Variants in NEGR1 observed in about 807,000 individuals in gnomAD.
NEGR1 encodes the protein neuronal growth regulator 1.
A neutral mutation model predicts 40.9 loss-of-function variants in NEGR1; 10 were observed. That is an observed-to-expected ratio of 0.24 (90% confidence interval 0.15 to 0.42). The LOEUF (loss-of-function observed/expected upper bound fraction) is 0.42, where lower values mean the gene tolerates loss of function less well. Among genes scored for constraint, NEGR1 ranks in the 10% least tolerant of loss-of-function variants. NEGR1 has a pLI of 1.00. For synonymous variants in NEGR1, 185 were observed against 166.8 expected (o/e 1.11, Z -0.84); for missense variants, 352 against 438.9 (o/e 0.80, Z 1.77).
Position 72,144,537 on chromosome 1 carries a change from A to G in NEGR1, c.176+137782T>C, listed in dbSNP as rs112126066. On this transcript the variant is annotated intron_variant, in intron 1 of 6. Transcript: ENST00000357731. ...TAATATGTGCATGGAGCATACATTC[A>G]TGATTAGAGAGACATATATTTTACG... Among the ~76,000 whole-genome samples, 974 of 152,086 alleles carry G rather than the reference A, an allele frequency of 6.4e-3. 13 individuals carry two copies. The highest frequency in any genetic ancestry group is 0.022 in the African/African-American group (917 of 41,542).
intron 2 of NEGR1, among the ~76,000 whole-genome samples, chr1:71,885,265 C>T (rs1425229526): frequency 6.6e-6 from 1 of 152,192 alleles, no homozygotes; most frequent in Non-Finnish European, 1.5e-5. Context: ...AATTTAATTA[C>T]ACTTTCTGCA....
At chr1:71,952,910 C>T (rs1454347596) in intron 1 of NEGR1, among the ~76,000 whole-genome samples, 1 of 148,622 alleles carries the variant, frequency 6.7e-6, no homozygotes, top group East Asian at 2.0e-4. Context: ...TTTTTTACAG[C>T]TTGATGCACA....
At chr1:71,861,266 G>T (rs1037961107) in intron 2 of NEGR1, among the ~76,000 whole-genome samples, 9 of 151,906 alleles carry the variant, frequency 5.9e-5, no homozygotes, top group African/African-American at 2.2e-4. Context: ...GTTGTCATGA[G>T]AATTAAATGT....
rs141986386 is a variant in NEGR1, at chr1:71,853,819, T to C, written c.410-77522A>G. The stretch of plus-strand genomic sequence containing the variant: ...AAGTTGTGCTGTTATTTGGACAGGA[T>C]TACATTTATAAAGCGGTTCTCACTT... On this transcript the variant is annotated intron_variant, in intron 2 of 6. Transcript: ENST00000357731. Among the ~76,000 whole-genome samples, 808 of 152,268 alleles carry C rather than the reference T, an allele frequency of 5.3e-3. 7 individuals are homozygous for C. Among genetic ancestry groups the C allele is most frequent in the African/African-American group, 0.019 (776 of 41,562 alleles).
chr1:71,667,040 T>C (rs908480808), intron 4 of NEGR1, among the ~76,000 whole-genome samples: 2 of 152,192 alleles, frequency 1.3e-5, no homozygotes, highest in African/African-American at 4.8e-5. Flanking sequence ...AAAAATTATA[T>C]CTGGTCATAT....
chr1:71,621,974 C>T (rs1650623690), intron 4 of NEGR1, among the ~76,000 whole-genome samples: 1 of 151,846 alleles, frequency 6.6e-6, no homozygotes, highest in Non-Finnish European at 1.5e-5. Flanking sequence ...AGGCTTACAT[C>T]ATGAGTAGTT....
At chr1:71,560,367 A>G (rs1648407166) in intron 6 of NEGR1, among the ~76,000 whole-genome samples, 1 of 148,526 alleles carries the variant, frequency 6.7e-6, no homozygotes, top group African/African-American at 2.4e-5. Flanking sequence ...GAGAGAAAAC[A>G]AATAAAACTG....
intron 1 of NEGR1, among the ~76,000 whole-genome samples, chr1:71,978,623 C>G (rs556155736): frequency 6.6e-6 from 1 of 151,998 alleles, no homozygotes; most frequent in Non-Finnish European, 1.5e-5. Flanking sequence ...TATCACTGAT[C>G]GTTAGAGAAA....
At chr1:71,930,386 A>C (rs976281018) in intron 2 of NEGR1, among the ~76,000 whole-genome samples, 2 of 152,272 alleles carry the variant, frequency 1.3e-5, no homozygotes, top group African/African-American at 4.8e-5. Context: ...GTTTCTCTAG[A>C]TATATTGGCT....
At chr1:71,555,767 C>G (rs1648233619) in intron 6 of NEGR1, among the ~76,000 whole-genome samples, 1 of 151,526 alleles carries the variant, frequency 6.6e-6, no homozygotes, top group Non-Finnish European at 1.5e-5. Flanking sequence ...TTTTGATACC[C>G]CTTTTTCGTT....
At chr1:71,774,940 A>C (rs1468537413) in intron 3 of NEGR1, among the ~76,000 whole-genome samples, 1 of 152,178 alleles carries the variant, frequency 6.6e-6, no homozygotes, top group East Asian at 1.9e-4. Context: ...GAAGTACTGG[A>C]AATCTATAAA....
chr1:71,618,820 T>C (rs1390599674), intron 4 of NEGR1, among the ~76,000 whole-genome samples: 1 of 152,172 alleles, frequency 6.6e-6, no homozygotes, highest in Non-Finnish European at 1.5e-5. Context: ...ACAGACCCTT[T>C]TCCAAACTTA....
intron 1 of NEGR1, among the ~76,000 whole-genome samples, chr1:71,971,471 C>A (rs747986841): frequency 1.3e-5 from 2 of 151,990 alleles, no homozygotes; most frequent in Non-Finnish European, 2.9e-5. Context: ...TGGGTTGTCA[C>A]GTGAATTACA....
At chr1:71,912,766 GT>G (rs1258595400) in intron 2 of NEGR1, among the ~76,000 whole-genome samples, 2 of 152,134 alleles carry the variant, frequency 1.3e-5, no homozygotes, top group Non-Finnish European at 2.9e-5. Context: ...TAAATGGACT[GT>G]GAGAAAGGAT....
intron 1 of NEGR1, among the ~76,000 whole-genome samples, chr1:72,236,313 A>C (rs1654543277): frequency 6.6e-6 from 1 of 152,024 alleles, no homozygotes; most frequent in African/African-American, 2.4e-5. Flanking sequence ...GGATACCTTT[A>C]GGAGAAATAC....
chr1:71,738,337 A>C (rs528886370), intron 3 of NEGR1: 2 of 247,686 alleles, frequency 8.1e-6, no homozygotes, highest in South Asian at 6.8e-5. Context: ...AATAAGCAAC[A>C]AGAAACATCC....
At chr1:71,711,341 C>CAAA (rs59376519) in intron 3 of NEGR1, among the ~76,000 whole-genome samples, 2,708 of 57,554 alleles carry the variant, frequency 0.047, 79 homozygotes, top group African/African-American at 0.061. Context: ...GAGATTCCAC[C>CAAA]AAAAAAAAAA....
At chr1:71,825,372 A>G (rs1314205456) in intron 2 of NEGR1, among the ~76,000 whole-genome samples, 1 of 151,692 alleles carries the variant, frequency 6.6e-6, no homozygotes, top group African/African-American at 2.4e-5. Flanking sequence ...TGTAGTTTTT[A>G]AAATCTCTGC....
chr1:71,969,945 A>G (rs1052340756), intron 1 of NEGR1, among the ~76,000 whole-genome samples: 6 of 152,162 alleles, frequency 3.9e-5, no homozygotes, highest in African/African-American at 1.4e-4. Flanking sequence ...AGTCTTGTGT[A>G]TACTGAAATA....
Sources: allele counts gnomAD v4.1 joint callset (sites outside exome capture counted in the v4.1 genomes callset), GRCh38; gene constraint gnomAD v4.1.1; transcripts MANE v1.5; gene names NCBI Gene and HGNC (gene_info 2026-07-23, HGNC 2026-07-21).